Variants in HECW1 observed in about 807,000 individuals in gnomAD.
The protein encoded by HECW1 is E3 ubiquitin-protein ligase HECW1.
A neutral mutation model predicts 182.3 loss-of-function variants in HECW1; 61 were observed. The ratio of observed to expected loss-of-function variants is 0.33; its 90% CI spans 0.27 to 0.41. HECW1 has a LOEUF of 0.41. Ranked by LOEUF, HECW1 falls within the 10% of genes least tolerant of loss-of-function variation. The pLI, the probability that HECW1 is intolerant of heterozygous loss-of-function variation, is 1.00. For synonymous variants in HECW1, 859 were observed against 832.6 expected, an observed-to-expected ratio of 1.03 and a Z score of -0.55; for missense variants, 1,739 against 2,108.9, an observed-to-expected ratio of 0.82 and a Z score of 3.44.
At chr7:43,216,231 C>T (rs1007261250) in intron 2 of HECW1, among the ~76,000 whole-genome samples, 12 of 151,490 alleles carry the variant, frequency 7.9e-5, no homozygotes, top group Non-Finnish European at 1.6e-4. Flanking sequence ...CTGCAACCTT[C>T]GCCTTCTGGG....
intron 3 of HECW1, among the ~76,000 whole-genome samples, chr7:43,285,119 C>T (rs1267678205): frequency 6.6e-6 from 1 of 151,906 alleles, no homozygotes; most frequent in African/African-American, 2.4e-5. Flanking sequence ...AGTCTTACTG[C>T]TAACTGGGTC....
intron 2 of HECW1, among the ~76,000 whole-genome samples, chr7:43,180,590 T>G (rs928722319): frequency 6.6e-6 from 1 of 152,066 alleles, no homozygotes; most frequent in Non-Finnish European, 1.5e-5. Context: ...AGAGACGGGG[T>G]TTCACCGTGT....
chr7:43,335,096 G>A (rs1811954032), intron 5 of HECW1, among the ~76,000 whole-genome samples: 1 of 152,174 alleles, frequency 6.6e-6, no homozygotes, highest in Admixed American at 6.5e-5. Context: ...TTCAGAAGGG[G>A]AAGAGTAGAT....
At chr7:43,402,468 G>A (rs1427298038) in intron 7 of HECW1, among the ~76,000 whole-genome samples, 4 of 152,126 alleles carry the variant, frequency 2.6e-5, no homozygotes, top group African/African-American at 9.7e-5. Flanking sequence ...AAGTTCTAAG[G>A]GGAGAATTGT....
chr7:43,477,233 G>C (rs1333464569), intron 16 of HECW1, among the ~76,000 whole-genome samples: 1 of 152,060 alleles, frequency 6.6e-6, no homozygotes, highest in Non-Finnish European at 1.5e-5. Flanking sequence ...TGATAGATCT[G>C]GACAACTGTT....
chr7:43,529,895 A>G (rs1048993251), intron 24 of HECW1, among the ~76,000 whole-genome samples: 4 of 152,112 alleles, frequency 2.6e-5, no homozygotes, highest in Admixed American at 6.5e-5. Flanking sequence ...TGAGCAGCAG[A>G]GACCATCTAA....
intron 2 of HECW1, among the ~76,000 whole-genome samples, chr7:43,116,142 C>G: frequency 6.6e-6 from 1 of 152,134 alleles, no homozygotes; most frequent in Non-Finnish European, 1.5e-5. Flanking sequence ...AGAGCCAGGA[C>G]TCAAATCCAG....
chr7:43,375,056 A>G (rs892560953), intron 6 of HECW1, among the ~76,000 whole-genome samples: 1 of 152,166 alleles, frequency 6.6e-6, no homozygotes, highest in Non-Finnish European at 1.5e-5. Flanking sequence ...TAAAAATAAA[A>G]TGTTCTTTTG....
At chr7:43,351,578 C>T (rs1814457501) in intron 5 of HECW1, among the ~76,000 whole-genome samples, 1 of 151,596 alleles carries the variant, frequency 6.6e-6, no homozygotes, top group Non-Finnish European at 1.5e-5. Context: ...CCAGGAGTGA[C>T]ATCTACTTGT....
chr7:43,361,815 CTTT>C (rs397890047), intron 6 of HECW1, among the ~76,000 whole-genome samples: 4,549 of 78,014 alleles, frequency 0.058, 120 homozygotes, highest in Middle Eastern at 0.13. Flanking sequence ...AAGACTCTCT[CTTT>C]TTTTTTTTTT....
intron 2 of HECW1, among the ~76,000 whole-genome samples, chr7:43,232,005 G>A (rs1797923084): frequency 8.1e-6 from 1 of 124,048 alleles, no homozygotes. Context: ...CTGGGCGACA[G>A]AGCGAGACTC....
At chr7:43,504,916 C>T (rs2079515593) in intron 21 of HECW1, among the ~76,000 whole-genome samples, 1 of 152,176 alleles carries the variant, frequency 6.6e-6, no homozygotes, top group Admixed American at 6.5e-5. Context: ...TCACTAAGGT[C>T]GCCATGAACT....
intron 6 of HECW1, among the ~76,000 whole-genome samples, chr7:43,368,707 C>T (rs764273845): frequency 1.3e-5 from 2 of 152,148 alleles, no homozygotes; most frequent in African/African-American, 2.4e-5. Flanking sequence ...CTCACACTAA[C>T]GAGGCATTCT....
At chr7:43,177,359 C>T (rs983191920) in intron 2 of HECW1, among the ~76,000 whole-genome samples, 7 of 152,144 alleles carry the variant, frequency 4.6e-5, no homozygotes, top group African/African-American at 1.7e-4. Flanking sequence ...TCATGTCACC[C>T]TTCATTCAAA....
At chr7:43,274,418 G>T in intron 3 of HECW1, 2 of 632,514 alleles carry the variant, frequency 3.2e-6, no homozygotes, top group South Asian at 1.7e-5. Flanking sequence ...TATGACTCCC[G>T]GAGCTGCACC....
chr7:43,236,830 G>T (rs1284984879), intron 2 of HECW1, among the ~76,000 whole-genome samples: 1 of 152,164 alleles, frequency 6.6e-6, no homozygotes. Context: ...GGCACATTAT[G>T]AGGGAGTTGT....
chr7:43,167,342 C>G (rs1182453059), intron 2 of HECW1, among the ~76,000 whole-genome samples: 1 of 152,184 alleles, frequency 6.6e-6, no homozygotes, highest in Non-Finnish European at 1.5e-5. Flanking sequence ...AGTCATTGCA[C>G]TTAGAGTCCA....
chr7:43,178,337 C>T (rs11984436), intron 2 of HECW1, among the ~76,000 whole-genome samples: 1,996 of 152,220 alleles, frequency 0.013, 35 homozygotes, highest in African/African-American at 0.045. Flanking sequence ...CCCCATGGAC[C>T]GAGCCACAAG....
intron 3 of HECW1, among the ~76,000 whole-genome samples, chr7:43,301,483 G>A (rs78043882): frequency 6.6e-6 from 1 of 152,224 alleles, no homozygotes; most frequent in East Asian, 1.9e-4. Flanking sequence ...GAGGCTATGA[G>A]CACTGTTTAA....
Sources: allele counts gnomAD v4.1 joint callset (sites outside exome capture counted in the v4.1 genomes callset), GRCh38; gene constraint gnomAD v4.1.1; transcripts MANE v1.5; gene names NCBI Gene and HGNC (gene_info 2026-07-23, HGNC 2026-07-21).